The following UNC5C variants were observed in gnomAD, a reference collection of about 807,000 sequenced individuals.
The protein encoded by UNC5C is netrin receptor UNC5C.
UNC5C carries 47 observed loss-of-function variants against 99.8 expected under a neutral mutation model. The observed-to-expected ratio is 0.47, with a 90% confidence interval of 0.37 to 0.60. The LOEUF is 0.60. Ranked by LOEUF, UNC5C falls within the 20% of genes least tolerant of loss-of-function variation. The pLI is 0.00. For missense variants in UNC5C, 1,062 were observed against 1,165.9 expected (o/e 0.91, Z 1.30); for synonymous variants, 487 against 452.2 (o/e 1.08, Z -0.98).
intron 1 of UNC5C, among the ~76,000 whole-genome samples, chr4:95,487,455 TTAACTC>T (rs1347545804): frequency 1.3e-5 from 2 of 151,776 alleles, no homozygotes; most frequent in Non-Finnish European, 2.9e-5. Context: ...GAAATAAACA[TTAACTC>T]TATGGTATAC....
intron 5 of UNC5C, 61 bp downstream of exon 5, chr4:95,250,426 G>A (rs1325187703): frequency 3.9e-6 from 6 of 1,530,396 alleles, no homozygotes; most frequent in African/African-American, 1.4e-5. Context: ...TAGCTTTACC[G>A]ATGCCAACGA....
chr4:95,176,530 G>A (rs1231153194), intron 14 of UNC5C, among the ~76,000 whole-genome samples: 1 of 151,890 alleles, frequency 6.6e-6, no homozygotes, highest in Non-Finnish European at 1.5e-5. Context: ...CCCCTGCTGG[G>A]GGGTGCCTCC....
At chr4:95,329,456 A>G (rs555298703) in intron 2 of UNC5C, among the ~76,000 whole-genome samples, 33 of 152,296 alleles carry the variant, frequency 2.2e-4, no homozygotes, top group Admixed American at 2.2e-3. Context: ...ACCTTTCAAT[A>G]TTGATGGTAT....
At chr4:95,520,588 T>G (rs922365463) in intron 1 of UNC5C, among the ~76,000 whole-genome samples, 3 of 145,088 alleles carry the variant, frequency 2.1e-5, no homozygotes, top group African/African-American at 7.6e-5. Flanking sequence ...TCAGAAAAAC[T>G]ATCTAGTATT....
intron 7 of UNC5C, among the ~76,000 whole-genome samples, chr4:95,240,692 G>A (rs1189850470): frequency 2.0e-5 from 3 of 152,078 alleles, no homozygotes; most frequent in Admixed American, 6.5e-5. Context: ...CCTCTTCCCT[G>A]TCAATAGACA....
At chr4:95,506,009 C>T (rs552324848) in intron 1 of UNC5C, among the ~76,000 whole-genome samples, 1 of 151,764 alleles carries the variant, frequency 6.6e-6, no homozygotes, top group Non-Finnish European at 1.5e-5. Flanking sequence ...CTGACATGTG[C>T]CTTTTCTCTT....
At chr4:95,488,717 C>A (rs141422468) in intron 1 of UNC5C, among the ~76,000 whole-genome samples, 1 of 151,292 alleles carries the variant, frequency 6.6e-6, no homozygotes, top group Non-Finnish European at 1.5e-5. Flanking sequence ...TGTTAACTGC[C>A]GTAATGTGCT....
At chr4:95,260,558 G>T (rs1184555267) in intron 4 of UNC5C, among the ~76,000 whole-genome samples, 1 of 152,184 alleles carries the variant, frequency 6.6e-6, no homozygotes, top group Non-Finnish European at 1.5e-5. Context: ...CCCACAGAAA[G>T]GATTCTGGGG....
chr4:95,305,187 G>A (rs1411070744), intron 2 of UNC5C, among the ~76,000 whole-genome samples: 1 of 151,984 alleles, frequency 6.6e-6, no homozygotes, highest in East Asian at 1.9e-4. Context: ...TCCAACTTTT[G>A]GTCAACAACA....
At chr4:95,348,084 A>C (rs1200547574) in intron 1 of UNC5C, among the ~76,000 whole-genome samples, 1 of 152,130 alleles carries the variant, frequency 6.6e-6, no homozygotes, top group Non-Finnish European at 1.5e-5. Context: ...ATCTAATTAA[A>C]TAATCAGCAA....
intron 1 of UNC5C, among the ~76,000 whole-genome samples, chr4:95,354,479 A>ATATATATATATATATATATTTTTTTTTT: frequency 3.6e-5 from 4 of 110,352 alleles, no homozygotes; most frequent in Non-Finnish European, 7.2e-5. Flanking sequence ...ATATATATAT[A>ATATATATATATATATATATTTTTTTTTT]TTTTTTTTTT....
At chr4:95,302,128 G>A (rs892327352) in intron 2 of UNC5C, among the ~76,000 whole-genome samples, 4 of 152,052 alleles carry the variant, frequency 2.6e-5, no homozygotes, top group South Asian at 4.1e-4. Context: ...TAAAATAAAC[G>A]TATGTACACA....
chr4:95,293,968 C>T (rs548772125), intron 3 of UNC5C, among the ~76,000 whole-genome samples: 1 of 152,236 alleles, frequency 6.6e-6, no homozygotes, highest in African/African-American at 2.4e-5. Flanking sequence ...CCACATGAGG[C>T]TTTCAAGCAC....
At chr4:95,424,292 G>A (rs1052854159) in intron 1 of UNC5C, among the ~76,000 whole-genome samples, 3 of 149,972 alleles carry the variant, frequency 2.0e-5, no homozygotes, top group Non-Finnish European at 4.4e-5. Context: ...GTGTACACAC[G>A]GAAGCCAAAA....
chr4:95,269,006 T>C (rs1421909192), intron 4 of UNC5C, among the ~76,000 whole-genome samples: 1 of 152,248 alleles, frequency 6.6e-6, no homozygotes, highest in African/African-American at 2.4e-5. Context: ...GAGCATTAGC[T>C]AGTAGCTGGG....
intron 4 of UNC5C, among the ~76,000 whole-genome samples, chr4:95,253,784 A>G (rs1454971371): frequency 6.6e-6 from 1 of 152,058 alleles, no homozygotes; most frequent in Non-Finnish European, 1.5e-5. Context: ...TGAGACAATC[A>G]TCTCCATGAA....
intron 1 of UNC5C, among the ~76,000 whole-genome samples, chr4:95,376,038 G>A (rs574140758): frequency 4.1e-4 from 63 of 152,110 alleles, no homozygotes; most frequent in South Asian, 3.7e-3. Flanking sequence ...GGGCAACATA[G>A]CAAGACTCCG....
At chr4:95,207,274 A>G (rs1737915801) in intron 10 of UNC5C, among the ~76,000 whole-genome samples, 1 of 152,224 alleles carries the variant, frequency 6.6e-6, no homozygotes, top group South Asian at 2.1e-4. Flanking sequence ...AACTAAACTT[A>G]GTCCAAATGA....
intron 1 of UNC5C, among the ~76,000 whole-genome samples, chr4:95,507,485 C>A (rs1721955690): frequency 1.3e-5 from 2 of 151,996 alleles, no homozygotes; most frequent in Non-Finnish European, 2.9e-5. Flanking sequence ...CTACATGGCT[C>A]TGCAACATTA....
Sources: allele counts gnomAD v4.1 joint callset (sites outside exome capture counted in the v4.1 genomes callset), GRCh38; gene constraint gnomAD v4.1.1; transcripts MANE v1.5; gene names NCBI Gene and HGNC (gene_info 2026-07-23, HGNC 2026-07-21).